Variants in GMDS observed in about 807,000 individuals in gnomAD.
The protein encoded by GMDS is GDP-mannose 4,6 dehydratase.
In GMDS, 20 loss-of-function variants were observed where a neutral mutation model predicts 49.9. The observed-to-expected ratio is 0.40, with a 90% CI of 0.28 to 0.58. The LOEUF (loss-of-function observed/expected upper bound fraction) is 0.58. GMDS is among the 20% of genes least tolerant of loss of function. The pLI, the probability that GMDS is intolerant of heterozygous loss-of-function variation, is 0.42. For missense variants in GMDS, 362 were observed against 481.4 expected (o/e 0.75, Z 2.32); for synonymous variants, 177 against 178.6 (o/e 0.99, Z 0.07).
chr6:2,082,454 C>T (rs779407245), intron 4 of GMDS, among the ~76,000 whole-genome samples: 1 of 152,180 alleles, frequency 6.6e-6, no homozygotes, highest in Non-Finnish European at 1.5e-5. Flanking sequence ...GGCAGGTCCC[C>T]TCATAAAATT....
At chr6:1,720,772 G>C (rs1766355752) in intron 9 of GMDS, among the ~76,000 whole-genome samples, 1 of 152,206 alleles carries the variant, frequency 6.6e-6, no homozygotes, top group Non-Finnish European at 1.5e-5. Context: ...AAGAAGAGCA[G>C]GGGTGGAGGG....
chr6:2,050,496 G>C (rs1308643184), intron 4 of GMDS, among the ~76,000 whole-genome samples: 2 of 152,130 alleles, frequency 1.3e-5, no homozygotes, highest in Non-Finnish European at 2.9e-5. Context: ...CCAATGATTA[G>C]AAAAAGAGGG....
chr6:1,888,137 T>TA lies in GMDS; in HGVS notation c.771+41965_771+41966insT, dbSNP rs1554130174. On this transcript the variant is annotated intron_variant, in intron 7 of 10. Coordinates refer to ENST00000380815, the MANE Select transcript of GMDS (RefSeq NM_001500.4). ...CTATTTTTTTATTATTATTATTATT[T>TA]TTTTTTTTTTTTTGAAGAGATGAGG... 4.3e-3 allele frequency among the ~76,000 whole-genome samples: 503 copies of TA among 118,022 alleles called. 1 individual carries two copies. The highest frequency in any genetic ancestry group is 8.6e-3 in the Middle Eastern group (2 of 232). The allele number at this position is 118,022 out of a possible 152,430, so 77.4% of individuals were successfully genotyped here. A position where few individuals can be genotyped will look rare whatever the true frequency, so the allele number is the denominator to read the frequency against.
chr6:1,853,098 T>C (rs1757765267), intron 7 of GMDS, among the ~76,000 whole-genome samples: 2 of 152,150 alleles, frequency 1.3e-5, no homozygotes, highest in South Asian at 2.1e-4. Context: ...CAGGACTTGC[T>C]AGGAGAATTT....
rs186930928 is a variant in GMDS at position 2,176,112 on chromosome 6, C to G, written c.103-51381G>C. On this transcript the variant is annotated intron_variant, in intron 1 of 10. Coordinates refer to ENST00000380815, the MANE Select transcript of GMDS (RefSeq NM_001500.4). Reference sequence around the variant, plus strand: ...ACATGTAATTCTGGTGTCCAGCCCCCCTTCTACAACCAGGGATGACTGCCT... The same window carrying G: ...ACATGTAATTCTGGTGTCCAGCCCCGCTTCTACAACCAGGGATGACTGCCT... The G allele has an allele frequency of 2.1e-4, 149 of 722,792 alleles. 2 individuals are homozygous for G. In the Middle Eastern group the frequency reaches 2.3e-3, roughly 11 times the overall value. The allele number at this position is 722,792 out of a possible 1,614,324, so 44.8% of individuals were successfully genotyped here. A position where few individuals can be genotyped will look rare whatever the true frequency, so the allele number is the denominator to read the frequency against.
chr6:2,060,704 G>A (rs577560183), intron 4 of GMDS, among the ~76,000 whole-genome samples: 13 of 152,180 alleles, frequency 8.5e-5, no homozygotes, highest in Non-Finnish European at 1.8e-4. Flanking sequence ...GTCAAACAAG[G>A]TGAGGGAACA....
intron 4 of GMDS, among the ~76,000 whole-genome samples, chr6:2,063,521 T>C (rs1481983797): frequency 6.6e-6 from 1 of 152,212 alleles, no homozygotes; most frequent in African/African-American, 2.4e-5. Flanking sequence ...CCATAATAAA[T>C]GGTAAGTATA....
intron 1 of GMDS, among the ~76,000 whole-genome samples, chr6:2,163,185 C>T (rs569998670): frequency 6.6e-6 from 1 of 152,250 alleles, no homozygotes; most frequent in African/African-American, 2.4e-5. Context: ...ACTGTCCTAA[C>T]AGTGAACAGG....
intron 7 of GMDS, among the ~76,000 whole-genome samples, chr6:1,903,387 C>T (rs1424692852): frequency 6.6e-6 from 1 of 152,186 alleles, no homozygotes; most frequent in Non-Finnish European, 1.5e-5. Flanking sequence ...TAATTAGGCA[C>T]CCTTTTGTTG....
chr6:1,829,512 G>A (rs923924487), intron 7 of GMDS, among the ~76,000 whole-genome samples: 2 of 152,114 alleles, frequency 1.3e-5, no homozygotes, highest in South Asian at 4.1e-4. Flanking sequence ...ACAGCTCACT[G>A]CAGACTTAAC....
chr6:2,123,052 T>C (rs1353624548), intron 2 of GMDS, among the ~76,000 whole-genome samples: 1 of 152,256 alleles, frequency 6.6e-6, no homozygotes, highest in Non-Finnish European at 1.5e-5. Flanking sequence ...TGCAAATCTC[T>C]CATCCTTCTT....
At chr6:1,813,256 TA>T (rs1021083571) in intron 7 of GMDS, among the ~76,000 whole-genome samples, 21 of 148,792 alleles carry the variant, frequency 1.4e-4, no homozygotes, top group African/African-American at 4.9e-4. Context: ...AAACCTTAAT[TA>T]AAAAAATTGA....
chr6:2,046,366 T>C (rs186296125), intron 4 of GMDS, among the ~76,000 whole-genome samples: 505 of 152,366 alleles, frequency 3.3e-3, no homozygotes, highest in African/African-American at 0.012. Flanking sequence ...TAGATTATCA[T>C]AGGAAATACC....
At chr6:1,672,502 T>C (rs1034758820) in intron 9 of GMDS, among the ~76,000 whole-genome samples, 1 of 152,270 alleles carries the variant, frequency 6.6e-6, no homozygotes, top group South Asian at 2.1e-4. Context: ...TCTCTGCCAC[T>C]ATTTATGTCT....
At chr6:1,987,731 C>T (rs190983978) in intron 4 of GMDS, among the ~76,000 whole-genome samples, 1 of 152,232 alleles carries the variant, frequency 6.6e-6, no homozygotes, top group East Asian at 1.9e-4. Context: ...AAGAATGAAA[C>T]ATAAAAATGG....
chr6:1,624,636 T>G, intron 9 of GMDS, 96 bp from the exon 10 acceptor site: 1 of 828,262 alleles, frequency 1.2e-6, no homozygotes, highest in Non-Finnish European at 2.0e-6. Flanking sequence ...CCGCTCCCTC[T>G]GGGCGCACAA....
At chr6:2,166,761 T>C (rs1777689760) in intron 1 of GMDS, among the ~76,000 whole-genome samples, 1 of 152,192 alleles carries the variant, frequency 6.6e-6, no homozygotes, top group African/African-American at 2.4e-5. Context: ...GGCCTCAGTT[T>C]CTTCACCTGC....
chr6:1,674,560 CTTTTTTTTTT>C (rs869292549), intron 9 of GMDS, among the ~76,000 whole-genome samples: 11 of 73,460 alleles, frequency 1.5e-4, no homozygotes, highest in Admixed American at 9.5e-4. Context: ...CTCTCTCTCT[CTTTTTTTTTT>C]TTTTTTTTTT....
At chr6:1,772,132 C>G (rs1001061773) in intron 7 of GMDS, among the ~76,000 whole-genome samples, 1 of 152,092 alleles carries the variant, frequency 6.6e-6, no homozygotes, top group African/African-American at 2.4e-5. Context: ...TTTGTAATCT[C>G]CAAAATCTCA....
Sources: allele counts gnomAD v4.1 joint callset (sites outside exome capture counted in the v4.1 genomes callset), GRCh38; gene constraint gnomAD v4.1.1; transcripts MANE v1.5; gene names NCBI Gene and HGNC (gene_info 2026-07-23, HGNC 2026-07-21).